ARHGAP32: variants seen among roughly 807,000 people sequenced by gnomAD.
ARHGAP32 encodes rho GTPase-activating protein 32.
A neutral mutation model predicts 186.5 loss-of-function variants in ARHGAP32; 51 were observed. The ratio of observed to expected loss-of-function variants is 0.27; its 90% CI spans 0.22 to 0.35. The LOEUF (loss-of-function observed/expected upper bound fraction) is 0.35, where lower values mean the gene tolerates loss of function less well. Among genes scored for constraint, ARHGAP32 ranks in the 10% least tolerant of loss-of-function variants. The pLI, the probability that ARHGAP32 is intolerant of heterozygous loss-of-function variation, is 1.00. For missense variants in ARHGAP32, 2,186 were observed against 2,623.5 expected, an observed-to-expected ratio of 0.83 and a Z score of 3.64; for synonymous variants, 950 against 964.3, an observed-to-expected ratio of 0.99 and a Z score of 0.27.
chr11:129,139,406 G>T (rs1943002869), intron 2 of ARHGAP32, among the ~76,000 whole-genome samples: 1 of 152,060 alleles, frequency 6.6e-6, no homozygotes, highest in Non-Finnish European at 1.5e-5. Context: ...CGATTTTATG[G>T]TATATTAGTG....
At chr11:129,140,895 T>C (rs1943036706) in intron 2 of ARHGAP32, among the ~76,000 whole-genome samples, 1 of 152,198 alleles carries the variant, frequency 6.6e-6, no homozygotes. Flanking sequence ...ATTTAATTCC[T>C]TTCCCTTTCC....
chr11:129,154,405 A>G (rs1487548750), intron 2 of ARHGAP32, among the ~76,000 whole-genome samples: 2 of 152,196 alleles, frequency 1.3e-5, no homozygotes, highest in East Asian at 3.9e-4. Context: ...AAAAGAAGTC[A>G]TTATATGAAA....
chr11:129,028,044 T>C (rs1041585414), intron 11 of ARHGAP32, among the ~76,000 whole-genome samples: 1 of 152,218 alleles, frequency 6.6e-6, no homozygotes, highest in Admixed American at 6.5e-5. Flanking sequence ...TTAGGAAACA[T>C]TTTTGGTAAC....
At chr11:129,186,244 C>G (rs1944158786) in intron 1 of ARHGAP32, among the ~76,000 whole-genome samples, 1 of 152,130 alleles carries the variant, frequency 6.6e-6, no homozygotes, top group African/African-American at 2.4e-5. Context: ...TTTGTGTACT[C>G]TAGGGCCTTT....
At chr11:129,176,054 G>A (rs202243142) in intron 1 of ARHGAP32, among the ~76,000 whole-genome samples, 6 of 65,452 alleles carry the variant, frequency 9.2e-5, no homozygotes, top group African/African-American at 1.7e-4. Flanking sequence ...CCCATCTCAC[G>A]TGCAGAGACA....
intron 11 of ARHGAP32, among the ~76,000 whole-genome samples, chr11:129,002,736 C>G (rs575423039): frequency 5.8e-4 from 87 of 150,470 alleles, no homozygotes; most frequent in African/African-American, 2.1e-3. Flanking sequence ...TAGTATATGG[C>G]TTTTATTATG....
At position 128,988,127 on chromosome 11, in the gene ARHGAP32, TA is replaced by T; in HGVS notation, c.1196-3del. Reference sequence around the variant, plus strand: ...TGCAGCTTTGAAGAACCTGCGGCACTAAAGAGAATTTGTAAAGAAACAGATG... The same window carrying T: ...TGCAGCTTTGAAGAACCTGCGGCACTAAGAGAATTTGTAAAGAAACAGATG... On this transcript the variant is annotated splice_region_variant and splice_polypyrimidine_tract_variant and intron_variant, in intron 12 of 22. Coordinates refer to ENST00000682385, the MANE Select transcript of ARHGAP32 (RefSeq NM_001378024.1). 1.2e-6 allele frequency: 2 copies of T among 1,606,446 alleles called. No individual in the cohort carries two copies.
chr11:129,033,831 AC>A (rs1171303254), intron 11 of ARHGAP32, among the ~76,000 whole-genome samples: 1 of 152,118 alleles, frequency 6.6e-6, no homozygotes, highest in African/African-American at 2.4e-5. Context: ...TATTGAAATG[AC>A]TGTTCTTTTG....
chr11:129,263,758 GAA>G (rs1945356983), intron 1 of ARHGAP32, among the ~76,000 whole-genome samples: 1 of 152,104 alleles, frequency 6.6e-6, no homozygotes, highest in Non-Finnish European at 1.5e-5. Context: ...AGGATGTGAA[GAA>G]ACTGGAACCT....
intron 6 of ARHGAP32, among the ~76,000 whole-genome samples, chr11:129,086,643 A>C (rs1348128513): frequency 6.6e-6 from 1 of 152,214 alleles, no homozygotes. Flanking sequence ...AGCACGGTGA[A>C]ACCCTGTCTC....
At chr11:129,278,780 G>A (rs1283285037) in intron 1 of ARHGAP32, among the ~76,000 whole-genome samples, 1 of 150,958 alleles carries the variant, frequency 6.6e-6, no homozygotes, top group African/African-American at 2.4e-5. Flanking sequence ...CTCCGGGAGC[G>A]CCGGTGTCCC....
intron 1 of ARHGAP32, among the ~76,000 whole-genome samples, chr11:129,260,882 G>T (rs1394480507): frequency 6.6e-6 from 1 of 152,092 alleles, no homozygotes; most frequent in Non-Finnish European, 1.5e-5. Context: ...ACTCCTACAT[G>T]AACACAAACC....
intron 5 of ARHGAP32, among the ~76,000 whole-genome samples, chr11:129,116,719 G>GTTAT (rs1942379063): frequency 1.3e-5 from 2 of 151,892 alleles, no homozygotes; most frequent in South Asian, 4.1e-4. Flanking sequence ...TAATGATGAA[G>GTTAT]GCTTAACTGA....
chr11:129,276,795 A>G (rs1467544459), intron 1 of ARHGAP32, among the ~76,000 whole-genome samples: 3 of 152,204 alleles, frequency 2.0e-5, no homozygotes, highest in Non-Finnish European at 4.4e-5. Flanking sequence ...TAAGAAAAAC[A>G]ATGCAAGCCT....
chr11:129,123,622 G>T lies in ARHGAP32; in HGVS notation c.360-92C>A. 1 of 1,170,406 alleles carries T rather than the reference G, an allele frequency of 8.5e-7. No homozygotes were observed. Among genetic ancestry groups the T allele is most frequent in the Non-Finnish European group, 1.2e-6 (1 of 806,906 alleles). 72.5% of individuals were successfully genotyped at this position (1,170,406 alleles called of 1,614,324 possible). On this transcript the variant is annotated intron_variant, in intron 4 of 22. Transcript: ENST00000682385. This position sits in a 1 kb window ranked among gnomAD's most constrained non-coding sequence, Gnocchi z 4.6. ...AAATACAGTGGATTTAAGAGCTCAT[G>T]CAAGCAAAAATATTTCGTAAGCACA...
chr11:129,246,160 T>TTAGA (rs1452265273), intron 1 of ARHGAP32, among the ~76,000 whole-genome samples: 1 of 152,234 alleles, frequency 6.6e-6, no homozygotes, highest in African/African-American at 2.4e-5. Context: ...CAGAGTCATC[T>TTAGA]TGAGCTTGGG....
chr11:129,109,703 G>A (rs748924214), intron 5 of ARHGAP32, among the ~76,000 whole-genome samples: 2 of 151,946 alleles, frequency 1.3e-5, no homozygotes, highest in African/African-American at 4.8e-5. Flanking sequence ...TCATGTATCT[G>A]TTGGCCATTT....
chr11:129,169,238 A>T (rs557922462), intron 1 of ARHGAP32, among the ~76,000 whole-genome samples: 140 of 152,306 alleles, frequency 9.2e-4, no homozygotes, highest in African/African-American at 3.3e-3. Context: ...AATAAAATGA[A>T]CAATCCCTAG....
Position 129,030,022 on chromosome 11 carries a change from C to T in ARHGAP32, c.1045+10906G>A, listed in dbSNP as rs143805699. ...TGAGAAAATATTATCTTGATCTATCCTTTGCAATGTATTTGGGGAGAAAGC... is the reference window on the plus strand; with the variant it reads ...TGAGAAAATATTATCTTGATCTATCTTTTGCAATGTATTTGGGGAGAAAGC... On this transcript the variant is annotated intron_variant, in intron 11 of 22. Coordinates refer to ENST00000682385, the MANE Select transcript of ARHGAP32 (RefSeq NM_001378024.1). Among the ~76,000 whole-genome samples the T allele has an allele frequency of 4.3e-3, 653 of 152,186 alleles. 3 individuals carry two copies. Among genetic ancestry groups the T allele is most frequent in the Non-Finnish European group, 6.7e-3 (457 of 67,996 alleles).
Sources: gnomAD v4.1 joint callset for allele counts (sites outside exome capture counted in the v4.1 genomes callset) on GRCh38, gnomAD v4.1.1 for gene constraint, Gnocchi (gnomAD v3.1) non-coding constraint, MANE v1.5 for transcripts, NCBI Gene and HGNC (gene_info 2026-07-23, HGNC 2026-07-21) for gene names.